EEF2: variants seen among roughly 807,000 people sequenced by gnomAD.
EEF2 encodes elongation factor 2.
Under a neutral mutation model 85.3 loss-of-function variants are expected in EEF2, and 21 were observed. The observed-to-expected ratio is 0.25, with a 90% confidence interval of 0.17 to 0.35. The LOEUF is 0.35. Among genes scored for constraint, EEF2 ranks in the 10% least tolerant of loss-of-function variants. The pLI, the probability that EEF2 is intolerant of heterozygous loss-of-function variation, is 1.00. For missense variants in EEF2, 825 were observed against 1,225.3 expected (o/e 0.67, Z 4.88); for synonymous variants, 723 against 508.8 (o/e 1.42, Z -5.67).
At position 3,976,334 on chromosome 19, in the gene EEF2, C is replaced by T. The variant is rs910290108; in HGVS notation, c.*220G>A. On this transcript the variant is annotated 3_prime_UTR_variant, in exon 15 of 15. Coordinates refer to ENST00000309311, the MANE Select transcript of EEF2 (RefSeq NM_001961.4). ...CCCCGACCGGCCCATTAAGTCCCTA[C>T]TAAGAGGGCGTGTCTGCTGCCTCCG... 7.6e-5 allele frequency: 25 copies of T among 327,784 alleles called. No individual in the cohort carries two copies. The highest frequency in any genetic ancestry group is 1.3e-4 in the Non-Finnish European group (23 of 171,588). 20.3% of individuals were successfully genotyped at this position (327,784 alleles called of 1,614,324 possible). A position where few individuals can be genotyped will look rare whatever the true frequency, so the allele number is the denominator to read the frequency against.
chr19:3,980,206 G>A, intron 9 of EEF2, 140 bp from the exon 10 acceptor site: 7 of 1,250,588 alleles, frequency 5.6e-6, no homozygotes, highest in Non-Finnish European at 7.6e-6. Flanking sequence ...GGCCCTGACT[G>A]CTGCGTCGGG....
chr19:3,977,985 T>G lies in EEF2; in HGVS notation c.1901A>C (p.Tyr634Ser). The change falls in exon 12 of 15, where the codon TAC becomes TCC. Residue 634 changes from tyrosine (Y) to serine (S), a missense_variant. Physicochemically the swap from Tyr to Ser is moderately radical, Grantham distance 144. Transcript: ENST00000309311. This position sits in a 1 kb window ranked among gnomAD's most constrained non-coding sequence, Gnocchi z 5.4. ...ARQELKQRARYLAEKYEWDVA... is the reference protein window; with the variant it reads ...ARQELKQRARSLAEKYEWDVA... ...GTCCCACTCGTACTTCTCGGCCAGG[T>G]AGCGCGCCCGCTGCTTGAGCTCCTG... The G allele has an allele frequency of 6.2e-7, 1 of 1,612,824 alleles. No individual in the cohort carries two copies. Among genetic ancestry groups the G allele is most frequent in the East Asian group, 2.2e-5 (1 of 44,844 alleles).
intron 1 of EEF2, 134 bp from the exon 2 acceptor site, chr19:3,984,484 A>ATCGGAAG: frequency 1.1e-6 from 1 of 914,298 alleles, no homozygotes; most frequent in Non-Finnish European, 1.7e-6. Context: ...AAGCCCACCG[A>ATCGGAAG]ATCTTGCCAG....
At position 3,976,202 on chromosome 19, in the gene EEF2, T is replaced by C. The variant is rs1027622538; in HGVS notation, c.*352A>G. ...CTGGGGCAAAAGCCACTGCGGGCCATGTACCCAAATAAACCTCTTAATGCG... is the reference window on the plus strand; with the variant it reads ...CTGGGGCAAAAGCCACTGCGGGCCACGTACCCAAATAAACCTCTTAATGCG... On this transcript the variant is annotated 3_prime_UTR_variant, in exon 15 of 15. Coordinates refer to ENST00000309311, the MANE Select transcript of EEF2 (RefSeq NM_001961.4). 7 of 269,100 alleles carry C rather than the reference T, an allele frequency of 2.6e-5. No individual in the cohort carries two copies. Among genetic ancestry groups the C allele is most frequent in the African/African-American group, 1.4e-4 (6 of 43,756 alleles). The allele number at this position is 269,100 out of a possible 1,614,324, so 16.7% of individuals were successfully genotyped here.
chr19:3,981,916 C>T (rs746326501), intron 6 of EEF2, 31 bp downstream of exon 6: 13 of 1,600,844 alleles, frequency 8.1e-6, no homozygotes, highest in South Asian at 7.7e-5. Context: ...ATAGTCGCAT[C>T]GGCGGGGTGC....
At chr19:3,982,117 C>T (rs1054779212) in intron 5 of EEF2, 65 bp from the exon 6 acceptor site, 5 of 1,601,754 alleles carry the variant, frequency 3.1e-6, no homozygotes, top group African/African-American at 1.3e-5. Context: ...GGAGGGTGGT[C>T]GCCAAGGGGA....
At chr19:3,980,493 G>A (rs762073621) in intron 9 of EEF2, 21 bp downstream of exon 9, 7 of 1,605,114 alleles carry the variant, frequency 4.4e-6, no homozygotes, top group African/African-American at 1.3e-5. Context: ...CAAGGGGCCT[G>A]CACATCACCC....
chr19:3,984,062 C>G, intron 2 of EEF2, 74 bp downstream of exon 2: 1 of 1,534,986 alleles, frequency 6.5e-7, no homozygotes, highest in East Asian at 2.3e-5. Flanking sequence ...TCTCCCCGCG[C>G]ACCCTGGCCC....
chr19:3,976,847 C>G, intron 14 of EEF2, 100 bp from the exon 15 acceptor site: 3 of 1,313,436 alleles, frequency 2.3e-6, no homozygotes, highest in Non-Finnish European at 3.0e-6. Context: ...GCCTGAGTCA[C>G]CCTGCAGACC....
In EEF2 at chr19:3,982,847, G is replaced by C. The variant is rs761292583; in HGVS notation, c.572C>G (p.Thr191Ser). The change falls in exon 4 of 15, where the codon ACC becomes AGC. Residue 191 changes from threonine to serine, a missense_variant. Coordinates refer to ENST00000309311, the MANE Select transcript of EEF2 (RefSeq NM_001961.4). The stretch of plus-strand genomic sequence containing the variant: ...GGGGCCGCTCTCGCCCTCGCCGTAG[G>C]TGGAGATGATGACGTTCACGTTCTC... ...IVENVNVIIS[T>S]YGEGESGPMG... The C allele has an allele frequency of 1.2e-6, 2 of 1,613,438 alleles. No individual in the cohort carries two copies. Among genetic ancestry groups the C allele is most frequent in the South Asian group, 1.1e-5 (1 of 90,988 alleles).
chr19:3,984,790 C>T (rs62131468), intron 1 of EEF2: 1 of 193,128 alleles, frequency 5.2e-6, no homozygotes, highest in South Asian at 9.3e-5. Context: ...CAAGGCCACC[C>T]ACCCCAGGAA....
Position 3,983,094 on chromosome 19 carries a change from G to A in EEF2, c.400+16C>T, listed in dbSNP as rs372775627. ...CCCCGGTTCCAGGCCGTGCCTCAGG[G>A]GGACCCACTGCTTACCTGACACGCA... is the stretch of plus-strand genomic sequence containing the variant. On this transcript the variant is annotated intron_variant, in intron 3 of 14. Transcript: ENST00000309311. 9.9e-6 allele frequency: 16 copies of A among 1,612,556 alleles called. No individual in the cohort carries two copies. The highest frequency in any genetic ancestry group is 1.2e-5 in the Non-Finnish European group (14 of 1,178,890).
chr19:3,979,255 G>A, intron 11 of EEF2, 74 bp downstream of exon 11: 1 of 1,215,210 alleles, frequency 8.2e-7, no homozygotes, highest in Admixed American at 1.8e-5. Flanking sequence ...GCAGAGCCTA[G>A]CTCAGCTCAG....
rs1555684094 is a variant in EEF2 at position 3,978,815 on chromosome 19, A to ATAAAT, written c.1713+513_1713+514insATTTA. ...AAGACTCTTGTCTCAAAAAAAAAAA[A>ATAAAT]AAAAAAAAAAAAAAAATAGCCCTGG... On this transcript the variant is annotated intron_variant, in intron 11 of 14. Transcript: ENST00000309311. Among the ~76,000 whole-genome samples the ATAAAT allele has an allele frequency of 9.3e-3, 968 of 104,386 alleles. 21 individuals are homozygous for ATAAAT. The highest frequency in any genetic ancestry group is 0.027 in the Middle Eastern group (5 of 188). The allele number at this position is 104,386 out of a possible 152,430, so 68.5% of individuals were successfully genotyped here. A position where few individuals can be genotyped will look rare whatever the true frequency, so the allele number is the denominator to read the frequency against.
chr19:3,983,754 G>A (rs1468790022), intron 2 of EEF2: 6 of 316,968 alleles, frequency 1.9e-5, no homozygotes, highest in Admixed American at 4.6e-5. Flanking sequence ...TACTCATATC[G>A]GGGCCAGAAA....
Position 3,977,454 on chromosome 19 carries a change from C to A in EEF2, c.2224G>T (p.Glu742Ter). The change falls in exon 13 of 15, where the codon GAG becomes TAG. Residue 742 changes from glutamate to a stop codon, truncating the protein, a stop_gained. Coordinates refer to ENST00000309311, the MANE Select transcript of EEF2 (RefSeq NM_001961.4). LOFTEE classifies it high-confidence loss of function. The surrounding 1 kb of genome is among the most constrained non-coding windows in gnomAD (Gnocchi z 5.4). The part of the protein sequence containing the change: ...SVLTAQPRLM[E>*]PIYLVEIQCP... The stretch of plus-strand genomic sequence containing the variant: ...TGGATCTCCACAAGGTAGATGGGCT[C>A]CATGAGGCGTGGCTGGGCGGTCAGC... The A allele has an allele frequency of 6.3e-7, 1 of 1,581,156 alleles. No homozygotes were observed. The highest frequency in any genetic ancestry group is 8.6e-7 in the Non-Finnish European group (1 of 1,164,664).
In EEF2 at chr19:3,982,905, C is replaced by T; in HGVS notation, c.514G>A (p.Glu172Lys). Residue 172 changes from glutamate to lysine, a missense_variant, in exon 4 of 15, where the codon GAG becomes AAG. By Grantham distance (56) the Glu-to-Lys change is moderately conservative. Coordinates refer to ENST00000309311, the MANE Select transcript of EEF2 (RefSeq NM_001961.4). ...CGCTGGAAAGTCTGGTAGAGCTCCT[C>T]GGGCTCCAGCTGCAGCTCCAGCAGG... ...RALLELQLEP[E>K]ELYQTFQRIV... 1.2e-6 allele frequency: 2 copies of T among 1,613,590 alleles called. No homozygotes were observed. The highest frequency in any genetic ancestry group is 1.7e-6 in the Non-Finnish European group (2 of 1,180,000).
rs373921290 is a variant in EEF2 at position 3,977,318 on chromosome 19, G to A, written c.2280C>T (p.Tyr760=). 6.4e-5 allele frequency: 103 copies of A among 1,598,486 alleles called. No homozygotes were observed. The highest frequency in any genetic ancestry group is 2.3e-4 in the East Asian group (10 of 44,084). Residue 760 remains tyrosine, a synonymous_variant, in exon 14 of 15, where the codon TAC becomes TAT. Coordinates refer to ENST00000309311, the MANE Select transcript of EEF2 (RefSeq NM_001961.4). The surrounding 1 kb of genome is among the most constrained non-coding windows in gnomAD (Gnocchi z 5.4). ...QCPEQVVGGI[Y]GVLNRKRGHV... ...GGCCCCGCTTCCTGTTCAAAACCCC[G>A]TAGATGCCACCGACCACCTGCTCTG... is the stretch of plus-strand genomic sequence containing the variant.
rs1341559906 is a variant in EEF2 at position 3,980,993 on chromosome 19, G to C, written c.1012-14C>G. 1 of 1,564,990 alleles carries C rather than the reference G, an allele frequency of 6.4e-7. No homozygotes were observed. Among genetic ancestry groups the C allele is most frequent in the South Asian group, 1.2e-5 (1 of 85,482 alleles). On this transcript the variant is annotated splice_polypyrimidine_tract_variant and intron_variant, in intron 7 of 14. Transcript: ENST00000309311. ...GCGCATCACAGCCTGCGGGGGCAGAGAGCGGTGCATGAGACACCTGGGGAG... is the reference window on the plus strand; with the variant it reads ...GCGCATCACAGCCTGCGGGGGCAGACAGCGGTGCATGAGACACCTGGGGAG...
Sources: gnomAD v4.1 joint callset for allele counts (sites outside exome capture counted in the v4.1 genomes callset) on GRCh38, gnomAD v4.1.1 for gene constraint, Gnocchi (gnomAD v3.1) non-coding constraint, MANE v1.5 for transcripts, NCBI Gene and HGNC (gene_info 2026-07-23, HGNC 2026-07-21) for gene names.